The following VPS37D variants were observed in gnomAD, a reference collection of about 807,000 sequenced individuals.
VPS37D encodes the protein vacuolar protein sorting-associated protein 37D.
A neutral mutation model predicts 22.0 loss-of-function variants in VPS37D; 5 were observed. The ratio of observed to expected loss-of-function variants is 0.23; its 90% CI spans 0.12 to 0.48. The LOEUF (loss-of-function observed/expected upper bound fraction) is 0.48, where lower values mean the gene tolerates loss of function less well. VPS37D is among the 20% of genes least tolerant of loss of function. The probability of loss-of-function intolerance (pLI) is 0.99; values close to 1 mark genes in which losing one functional copy is unlikely to be tolerated. For synonymous variants in VPS37D, 174 were observed against 159.3 expected, an observed-to-expected ratio of 1.09 and a Z score of -0.69; for missense variants, 384 against 345.8, an observed-to-expected ratio of 1.11 and a Z score of -0.88.
rs782802052 is a variant in VPS37D at position 73,671,137 on chromosome 7, C to T, written c.517C>T (p.Arg173Trp). Residue 173 changes from arginine (R) to tryptophan (W), a missense_variant, in exon 4 of 4, where the codon CGG becomes TGG. Arg to Trp is a moderately radical substitution (Grantham distance 101, BLOSUM62 -3). Coordinates refer to ENST00000324941, the MANE Select transcript of VPS37D (RefSeq NM_001077621.2). ...TQAEKLQELL[R>W]RRERSAQPAP... ...GGCAGAGAAGCTGCAGGAGCTGCTG[C>T]GGCGTCGGGAGCGTTCTGCCCAGCC... The T allele has an allele frequency of 1.3e-5, 21 of 1,607,464 alleles. No homozygotes were observed. The highest frequency in any genetic ancestry group is 1.7e-4 in the Middle Eastern group (1 of 5,814).
intron 1 of VPS37D, 99 bp from the exon 2 acceptor site, chr7:73,669,320 C>G (rs1797450876): frequency 7.1e-7 from 1 of 1,414,520 alleles, no homozygotes; most frequent in East Asian, 2.5e-5. Flanking sequence ...GTGCCTTTGG[C>G]CTGGCCCTCA....
chr7:73,665,435 G>C (rs1554608477), upstream of VPS37D, among the ~76,000 whole-genome samples: 1 of 151,940 alleles, frequency 6.6e-6, no homozygotes, highest in African/African-American at 2.4e-5. Flanking sequence ...CAGAGGAAAA[G>C]GGAATAACCC....
In VPS37D at chr7:73,669,500, C is replaced by G; in HGVS notation, c.220C>G (p.Arg74Gly). 6.3e-7 allele frequency: 1 copy of G among 1,581,918 alleles called. No homozygotes were observed. The highest frequency in any genetic ancestry group is 8.6e-7 in the Non-Finnish European group (1 of 1,164,410). ...CAAGGAGAACCTGGCCCTGCGGCCC[C>G]GCCTGGAGATGGGCCGGGCTGCCCT... is the stretch of plus-strand genomic sequence containing the variant. ...LAKENLALRP[R>G]LEMGRAALAI... Residue 74 changes from arginine to glycine, a missense_variant, in exon 2 of 4, where the codon CGC (arginine) becomes GGC (glycine). Transcript: ENST00000324941.
Position 73,670,032 on chromosome 7 carries a change from A to C in VPS37D, c.323A>C (p.His108Pro), listed in dbSNP as rs1160204703. 1.3e-6 allele frequency: 2 copies of C among 1,551,376 alleles called. No homozygotes were observed. Among genetic ancestry groups the C allele is most frequent in the African/African-American group, 2.7e-5 (2 of 72,992 alleles). ...DKLQRLEESMHRWSPHCALGW... is the reference protein window; with the variant it reads ...DKLQRLEESMPRWSPHCALGW... ...CTGTGGCCCTCAGAGGAAAGCATGC[A>C]TCGCTGGAGTCCCCACTGCGCGCTG... is the stretch of plus-strand genomic sequence containing the variant. The change falls in exon 3 of 4, where the codon CAT becomes CCT. Residue 108 changes from histidine to proline, a missense_variant. Coordinates refer to ENST00000324941, the MANE Select transcript of VPS37D (RefSeq NM_001077621.2).
upstream of VPS37D, among the ~76,000 whole-genome samples, chr7:73,665,611 C>T (rs1477339007): frequency 1.3e-5 from 2 of 152,170 alleles, no homozygotes; most frequent in African/African-American, 4.8e-5. Context: ...GCCGCTTCTC[C>T]CAGACATTGG....
chr7:73,669,441 G>A lies in VPS37D; in HGVS notation c.161G>A (p.Arg54His), dbSNP rs868926525. The A allele has an allele frequency of 5.7e-6, 9 of 1,569,160 alleles. No individual in the cohort carries two copies. The highest frequency in any genetic ancestry group is 2.4e-5 in the East Asian group (1 of 42,360). ...SRKFQGLQLE[R>H]EACLASNYAL... ...CAGTTCCAGGGCCTGCAGCTGGAGC[G>A]TGAGGCCTGCCTGGCCTCCAACTAC... Residue 54 changes from arginine (R) to histidine (H), a missense_variant, in exon 2 of 4, where the codon CGT (arginine) becomes CAT (histidine). Transcript: ENST00000324941.
chr7:73,667,377 C>G (rs913229700), upstream of VPS37D, among the ~76,000 whole-genome samples: 4 of 152,022 alleles, frequency 2.6e-5, no homozygotes, highest in Admixed American at 1.3e-4. Flanking sequence ...GCGATCCTCC[C>G]TTCTCGGTCT....
In VPS37D at chr7:73,671,610, T is replaced by G; in HGVS notation, c.*234T>G. 4.4e-6 allele frequency: 1 copy of G among 229,542 alleles called. No individual in the cohort carries two copies. The highest frequency in any genetic ancestry group is 8.5e-6 in the Non-Finnish European group (1 of 117,398). 14.2% of individuals were successfully genotyped at this position (229,542 alleles called of 1,614,324 possible). Reference sequence around the variant, plus strand: ...TGGCGCTGAAGACACCCTGCCTTTTTTGTTTCCGTGCCCCGGGGCCTCTAG... The same window carrying G: ...TGGCGCTGAAGACACCCTGCCTTTTGTGTTTCCGTGCCCCGGGGCCTCTAG... On this transcript the variant is annotated 3_prime_UTR_variant, in exon 4 of 4. Coordinates refer to ENST00000324941, the MANE Select transcript of VPS37D (RefSeq NM_001077621.2).
At position 73,669,570 on chromosome 7, in the gene VPS37D, C is replaced by A; in HGVS notation, c.290C>A (p.Ala97Glu). 6.3e-7 allele frequency: 1 copy of A among 1,592,128 alleles called. No homozygotes were observed. Among genetic ancestry groups the A allele is most frequent in the Non-Finnish European group, 8.6e-7 (1 of 1,169,260 alleles). ...QELREVAENC[A>E]DKLQRLEESM... Reference sequence around the variant, plus strand: ...CTTCGTGAGGTGGCCGAGAACTGCGCGGACAAGCTGCAGCGACTGGGTGAG... The same window carrying A: ...CTTCGTGAGGTGGCCGAGAACTGCGAGGACAAGCTGCAGCGACTGGGTGAG... The change falls in exon 2 of 4, where the codon GCG becomes GAG. Residue 97 changes from alanine (A) to glutamate (E), a missense_variant. By Grantham distance (107) the Ala-to-Glu change is moderately radical. Transcript: ENST00000324941.
chr7:73,669,446 G>T lies in VPS37D; in HGVS notation c.166G>T (p.Ala56Ser). The T allele has an allele frequency of 1.3e-6, 2 of 1,572,126 alleles. No homozygotes were observed. Among genetic ancestry groups the T allele is most frequent in the East Asian group, 2.4e-5 (1 of 42,506 alleles). ...KFQGLQLERE[A>S]CLASNYALAK... ...CCAGGGCCTGCAGCTGGAGCGTGAG[G>T]CCTGCCTGGCCTCCAACTACGCGCT... The change falls in exon 2 of 4, where the codon GCC (alanine) becomes TCC (serine). Residue 56 changes from alanine to serine, a missense_variant. Transcript: ENST00000324941.
chr7:73,670,154 G>A lies in VPS37D; in HGVS notation c.393+52G>A, dbSNP rs1438805463. On this transcript the variant is annotated intron_variant, in intron 3 of 3. Transcript: ENST00000324941. ...GGGCCAGGAGGGAGACCCATTCTCT[G>A]CCACCCCCTGGCTCATTCTTACACC... 5 of 1,548,722 alleles carry A rather than the reference G, an allele frequency of 3.2e-6. No individual in the cohort carries two copies. The East Asian group carries it at 1.2e-4, about 38-fold the overall frequency.
upstream of VPS37D, among the ~76,000 whole-genome samples, chr7:73,666,390 A>T (rs909521349): frequency 6.6e-6 from 1 of 151,902 alleles, no homozygotes; most frequent in East Asian, 1.9e-4. Flanking sequence ...TTTACCTGTA[A>T]TGTGACTTTG....
At chr7:73,669,834 C>T (rs1476308285) in intron 2 of VPS37D, among the ~76,000 whole-genome samples, 186 bp from the exon 3 acceptor site, 1 of 152,270 alleles carries the variant, frequency 6.6e-6, no homozygotes, top group Admixed American at 6.5e-5. Flanking sequence ...CTCTTTTGTA[C>T]TAGGACGAGG....
chr7:73,671,230 G>C lies in VPS37D; in HGVS notation c.610G>C (p.Ala204Pro), dbSNP rs782492520. The C allele has an allele frequency of 3.9e-6, 6 of 1,552,774 alleles. No homozygotes were observed. In the African/African-American group the frequency reaches 6.8e-5, roughly 18 times the overall value. The stretch of plus-strand genomic sequence containing the variant: ...TGCAGCTGTCCTGCCCACTGGGGCC[G>C]CCCGGGGGCCACCAGCAGTGCCCCG... ...PAAAVLPTGA[A>P]RGPPAVPRSL... Residue 204 changes from alanine to proline, a missense_variant, in exon 4 of 4, where the codon GCC becomes CCC. Physicochemically the swap from Ala to Pro is conservative, Grantham distance 27 (BLOSUM62 -1). Transcript: ENST00000324941.
intron 1 of VPS37D, among the ~76,000 whole-genome samples, chr7:73,668,597 T>G (rs1797434615): frequency 6.6e-6 from 1 of 150,686 alleles, no homozygotes; most frequent in Non-Finnish European, 1.5e-5. Flanking sequence ...TAAGAGAAAG[T>G]TGTATATTTC....
In VPS37D at chr7:73,669,508, G is replaced by A; in HGVS notation, c.228G>A (p.Glu76=). The A allele has an allele frequency of 1.3e-6, 2 of 1,583,632 alleles. No individual in the cohort carries two copies. The highest frequency in any genetic ancestry group is 1.2e-5 in the South Asian group (1 of 86,736). ...KENLALRPRL[E]MGRAALAIKY... is the part of the protein sequence containing the mutation. ...ACCTGGCCCTGCGGCCCCGCCTGGAGATGGGCCGGGCTGCCCTGGCCATCA... is the reference window on the plus strand; with the variant it reads ...ACCTGGCCCTGCGGCCCCGCCTGGAAATGGGCCGGGCTGCCCTGGCCATCA... The change falls in exon 2 of 4, where the codon GAG becomes GAA. Residue 76 remains glutamate, a synonymous_variant. Coordinates refer to ENST00000324941, the MANE Select transcript of VPS37D (RefSeq NM_001077621.2).
chr7:73,669,617 T>A (rs782201410), intron 2 of VPS37D, 27 bp downstream of exon 2: 1 of 1,562,858 alleles, frequency 6.4e-7, no homozygotes, highest in South Asian at 1.2e-5. Flanking sequence ...GAGAACCCCC[T>A]GGGGCTGGTG....
chr7:73,668,935 C>T (rs1380754902), intron 1 of VPS37D, among the ~76,000 whole-genome samples: 1 of 151,786 alleles, frequency 6.6e-6, no homozygotes, highest in Non-Finnish European at 1.5e-5. Context: ...GGTGCAGACA[C>T]CCCTCTGGAG....
In VPS37D at chr7:73,669,327, C is replaced by G. The variant is rs1304832620; in HGVS notation, c.139-92C>G. 14 of 1,434,762 alleles carry G rather than the reference C, an allele frequency of 9.8e-6. No individual in the cohort carries two copies. The East Asian group carries it at 3.3e-4, about 33-fold the overall frequency. The allele number at this position is 1,434,762 out of a possible 1,614,324, so 88.9% of individuals were successfully genotyped here. A position where few individuals can be genotyped will look rare whatever the true frequency, so the allele number is the denominator to read the frequency against. ...CCTGACAGGTGCCTTTGGCCTGGCC[C>G]TCAGGCACGGTCGCCCAGTAGGGTG... On this transcript the variant is annotated intron_variant, in intron 1 of 3. Coordinates refer to ENST00000324941, the MANE Select transcript of VPS37D (RefSeq NM_001077621.2).
Sources: allele counts gnomAD v4.1 joint callset (sites outside exome capture counted in the v4.1 genomes callset), GRCh38; gene constraint gnomAD v4.1.1; transcripts MANE v1.5; gene names NCBI Gene and HGNC (gene_info 2026-07-23, HGNC 2026-07-21).